Variants in VWA2 observed in about 807,000 individuals in gnomAD.
VWA2 encodes the protein von Willebrand factor A domain-containing protein 2.
Under a neutral mutation model 70.4 loss-of-function variants are expected in VWA2, and 73 were observed. The observed-to-expected ratio is 1.04, with a 90% CI of 0.86 to 1.26. VWA2 has a LOEUF of 1.26. Among genes scored for constraint, VWA2 ranks in the 50% most tolerant of loss-of-function variants. VWA2 has a pLI of 0.00. For missense variants in VWA2, 1,011 were observed against 998.5 expected (o/e 1.01, Z -0.17); for synonymous variants, 407 against 423.3 (o/e 0.96, Z 0.47).
chr10:114,249,586 G>A (rs756873254), intron 2 of VWA2, among the ~76,000 whole-genome samples: 20 of 152,268 alleles, frequency 1.3e-4, no homozygotes, highest in East Asian at 3.9e-4. Context: ...GAGAATATGC[G>A]GTGTTTGGTT....
intron 6 of VWA2, among the ~76,000 whole-genome samples, chr10:114,275,212 C>CTA (rs2037807210): frequency 6.6e-6 from 1 of 152,056 alleles, no homozygotes; most frequent in Non-Finnish European, 1.5e-5. Flanking sequence ...AAAGAGCGGC[C>CTA]AGTAAGGTGG....
chr10:114,248,810 T>C, intron 2 of VWA2, 45 bp downstream of exon 2: 2 of 1,565,224 alleles, frequency 1.3e-6, no homozygotes, highest in East Asian at 4.5e-5. Context: ...GCGTGTTGAG[T>C]AGGGGGGTTG....
chr10:114,266,851 C>T (rs548687122), intron 5 of VWA2, among the ~76,000 whole-genome samples: 9 of 152,258 alleles, frequency 5.9e-5, no homozygotes, highest in South Asian at 2.1e-4. Flanking sequence ...ACCACATTAA[C>T]GTTTAAATAT....
intron 1 of VWA2, chr10:114,246,525 A>AAAAAAAAAAAAAG: frequency 1.3e-6 from 1 of 766,086 alleles, no homozygotes; most frequent in Non-Finnish European, 2.1e-6. Context: ...AAAAAAAAAA[A>AAAAAAAAAAAAAG]CGAGTATCAT....
intron 1 of VWA2, among the ~76,000 whole-genome samples, chr10:114,245,677 G>A (rs2037053241): frequency 6.6e-6 from 1 of 152,188 alleles, no homozygotes; most frequent in Admixed American, 6.5e-5. Flanking sequence ...AAGCTAGCAG[G>A]AAGTATGTGC....
chr10:114,267,211 T>C (rs1343893880), intron 5 of VWA2, among the ~76,000 whole-genome samples: 2 of 151,794 alleles, frequency 1.3e-5, no homozygotes, highest in African/African-American at 4.8e-5. Flanking sequence ...GCCTCCCAGG[T>C]TCAAGTGATT....
chr10:114,291,389 C>A lies in VWA2; in HGVS notation c.*152C>A. Reference sequence around the variant, plus strand: ...TCCCGCCGTGGCCAGGACCACTATTCTCACTGAGGGAGGAGGATGTCCCAA... The same window carrying A: ...TCCCGCCGTGGCCAGGACCACTATTATCACTGAGGGAGGAGGATGTCCCAA... On this transcript the variant is annotated 3_prime_UTR_variant, in exon 14 of 14. Transcript: ENST00000392982. 1.1e-6 allele frequency: 1 copy of A among 870,186 alleles called. No individual in the cohort carries two copies. The highest frequency in any genetic ancestry group is 1.7e-6 in the Non-Finnish European group (1 of 588,856). 53.9% of individuals were successfully genotyped at this position (870,186 alleles called of 1,614,324 possible). A position where few individuals can be genotyped will look rare whatever the true frequency, so the allele number is the denominator to read the frequency against.
intron 8 of VWA2, chr10:114,281,669 T>G (rs2038127529): frequency 1.1e-6 from 1 of 927,180 alleles, no homozygotes; most frequent in Non-Finnish European, 1.3e-6. Flanking sequence ...ACTTGTTGTG[T>G]GGACCAGATA....
At chr10:114,249,742 A>G (rs185819217) in intron 2 of VWA2, among the ~76,000 whole-genome samples, 2 of 152,274 alleles carry the variant, frequency 1.3e-5, no homozygotes, top group Admixed American at 6.5e-5. Flanking sequence ...TCTATCATTG[A>G]TCAGCATTTG....
rs1185304290 is a variant in VWA2, at chr10:114,290,252, C to T, written c.2135C>T (p.Pro712Leu). 6.4e-7 allele frequency: 1 copy of T among 1,550,522 alleles called. No individual in the cohort carries two copies. The highest frequency in any genetic ancestry group is 1.4e-5 in the African/African-American group (1 of 73,160). Residue 712 changes from proline (P) to leucine (L), a missense_variant, in exon 13 of 14, where the codon CCA (proline) becomes CTA (leucine). Coordinates refer to ENST00000392982, the MANE Select transcript of VWA2 (RefSeq NM_001272046.2). ...IEWLCGEAKQPVNLCKPSPCM... is the reference protein window; with the variant it reads ...IEWLCGEAKQLVNLCKPSPCM... ...TTCTCCATTGTAGAAGCCAAGCAGC[C>T]AGTCAACCTCTGCAAACCCAGCCCG...
intron 5 of VWA2, among the ~76,000 whole-genome samples, chr10:114,267,225 C>T (rs1488973625): frequency 6.6e-6 from 1 of 151,978 alleles, no homozygotes; most frequent in East Asian, 1.9e-4. Context: ...AGTGATTCTC[C>T]TGCCTCAGAC....
rs138857826 is a variant in VWA2, at chr10:114,276,561, C to T, written c.567-1353C>T. On this transcript the variant is annotated intron_variant, in intron 6 of 13. Transcript: ENST00000392982. ...TCACCCAGGCTGGAATGCAGTGGCA[C>T]GATCATGGCTAACTGCAGCCCTGAC... Among the ~76,000 whole-genome samples, 27 of 152,204 alleles carry T rather than the reference C, an allele frequency of 1.8e-4. No individual in the cohort carries two copies. The East Asian group carries it at 4.2e-3, about 24-fold the overall frequency.
At chr10:114,276,786 T>G (rs1018936381) in intron 6 of VWA2, among the ~76,000 whole-genome samples, 2 of 149,972 alleles carry the variant, frequency 1.3e-5, no homozygotes, top group African/African-American at 4.9e-5. Flanking sequence ...CCCAAAGTAC[T>G]GGGATAACAG....
intron 2 of VWA2, 45 bp downstream of exon 2, chr10:114,248,810 T>A: frequency 6.4e-7 from 1 of 1,565,224 alleles, no homozygotes; most frequent in Non-Finnish European, 8.8e-7. Context: ...GCGTGTTGAG[T>A]AGGGGGGTTG....
At chr10:114,250,171 A>T (rs2037166004) in intron 2 of VWA2, among the ~76,000 whole-genome samples, 1 of 152,182 alleles carries the variant, frequency 6.6e-6, no homozygotes. Context: ...TGTGCATTTT[A>T]AAAAATGACA....
rs984696898 is a variant in VWA2 at position 114,292,976 on chromosome 10, G to T, written c.*1739G>T. ...CCTGCCTTGGCCTCCCAAAGTTCTG[G>T]GATTACAGGGGTGAACCACTGTGCC... On this transcript the variant is annotated 3_prime_UTR_variant, in exon 14 of 14. Coordinates refer to ENST00000392982, the MANE Select transcript of VWA2 (RefSeq NM_001272046.2). Among the ~76,000 whole-genome samples, 15 of 152,136 alleles carry T rather than the reference G, an allele frequency of 9.9e-5. No individual in the cohort carries two copies. Among genetic ancestry groups the T allele is most frequent in the African/African-American group, 2.9e-4 (12 of 41,440 alleles).
intron 6 of VWA2, among the ~76,000 whole-genome samples, chr10:114,277,239 A>G (rs2037867152): frequency 8.2e-6 from 1 of 122,642 alleles, no homozygotes; most frequent in Admixed American, 1.2e-4. Context: ...GCTGGATTGC[A>G]GTGGCACAAT....
intron 11 of VWA2, among the ~76,000 whole-genome samples, chr10:114,288,395 A>G (rs948538714): frequency 6.6e-6 from 1 of 152,256 alleles, no homozygotes; most frequent in Admixed American, 6.5e-5. Context: ...TTGTCCATAC[A>G]GCATCTAATT....
intron 5 of VWA2, among the ~76,000 whole-genome samples, chr10:114,264,574 C>T (rs918140353): frequency 6.6e-5 from 10 of 151,668 alleles, no homozygotes; most frequent in Admixed American, 1.3e-4. Context: ...CCCGCCACCA[C>T]GCCCGGCTAA....
Sources: allele counts gnomAD v4.1 joint callset (sites outside exome capture counted in the v4.1 genomes callset), GRCh38; gene constraint gnomAD v4.1.1; transcripts MANE v1.5; gene names NCBI Gene and HGNC (gene_info 2026-07-23, HGNC 2026-07-21).